Variants in MBNL1 observed in about 807,000 individuals in gnomAD.
MBNL1 encodes the protein muscleblind-like protein 1.
In MBNL1, 8 loss-of-function variants were observed where a neutral mutation model predicts 42.2. The observed-to-expected ratio is 0.19, with a 90% confidence interval of 0.11 to 0.34. The LOEUF is 0.34. Among genes scored for constraint, MBNL1 ranks in the 10% least tolerant of loss-of-function variants. The pLI is 1.00. For missense variants in MBNL1, 309 were observed against 495.3 expected (o/e 0.62, Z 3.57); for synonymous variants, 169 against 173.9 (o/e 0.97, Z 0.22).
intron 2 of MBNL1, among the ~76,000 whole-genome samples, chr3:152,257,121 C>A (rs1338965153): frequency 1.3e-5 from 2 of 152,054 alleles, no homozygotes; most frequent in African/African-American, 4.8e-5. Context: ...CGGATTATTG[C>A]AGAGTGTGAG....
intron 4 of MBNL1, among the ~76,000 whole-genome samples, chr3:152,435,584 A>G (rs899122939): frequency 1.3e-5 from 2 of 152,026 alleles, no homozygotes; most frequent in Admixed American, 6.6e-5. Context: ...GAAGAATGTC[A>G]TTGGTAGTTG....
chr3:152,255,367 T>A (rs551457776), intron 2 of MBNL1, among the ~76,000 whole-genome samples: 1 of 152,270 alleles, frequency 6.6e-6, no homozygotes, highest in African/African-American at 2.4e-5. Context: ...GAGCCTTAAC[T>A]TAAAATATTG....
intron 2 of MBNL1, among the ~76,000 whole-genome samples, chr3:152,405,411 T>C (rs2098403893): frequency 6.6e-6 from 1 of 152,214 alleles, no homozygotes; most frequent in African/African-American, 2.4e-5. Flanking sequence ...TGGTAAAGTT[T>C]TGAAAACAGT....
chr3:152,249,499 T>C (rs2034080809), intron 2 of MBNL1, among the ~76,000 whole-genome samples: 1 of 106,056 alleles, frequency 9.4e-6, no homozygotes, highest in Admixed American at 1.0e-4. Flanking sequence ...TTTGAGTTCA[T>C]TGTAGATTCT....
chr3:152,371,974 T>A (rs1180383152), intron 2 of MBNL1, among the ~76,000 whole-genome samples: 1 of 152,222 alleles, frequency 6.6e-6, no homozygotes, highest in South Asian at 2.1e-4. Context: ...CATAGTCCCA[T>A]ATTTCTTGGA....
chr3:152,449,568 C>T (rs1239207736), intron 6 of MBNL1, among the ~76,000 whole-genome samples: 17 of 152,042 alleles, frequency 1.1e-4, no homozygotes, highest in African/African-American at 4.1e-4. Context: ...ACTTGTGACA[C>T]TAGTGTCTCC....
At chr3:152,277,850 T>C (rs1378405942) in intron 1 of MBNL1, among the ~76,000 whole-genome samples, 1 of 152,086 alleles carries the variant, frequency 6.6e-6, no homozygotes, top group East Asian at 1.9e-4. Context: ...AACTTATTAG[T>C]TATTTAGATT....
intron 2 of MBNL1, among the ~76,000 whole-genome samples, chr3:152,385,312 A>G (rs1315587049): frequency 6.6e-6 from 1 of 152,026 alleles, no homozygotes; most frequent in Non-Finnish European, 1.5e-5. Context: ...GAGAGTGGGG[A>G]AAATGCCCAC....
exon 1 of MBNL1, chr3:152,243,940 G>A (rs1394220871): frequency 6.6e-6 from 1 of 152,160 alleles, no homozygotes; most frequent in African/African-American, 2.4e-5. Context: ...TGAGTAAGTG[G>A]GATTCAGACG....
intron 2 of MBNL1, among the ~76,000 whole-genome samples, chr3:152,360,207 T>C (rs1425445800): frequency 2.0e-5 from 3 of 152,132 alleles, no homozygotes; most frequent in African/African-American, 7.2e-5. Flanking sequence ...ATCAGGTTAG[T>C]AGTCCTGTCG....
chr3:152,400,582 T>C (rs2098171890), intron 2 of MBNL1, among the ~76,000 whole-genome samples: 1 of 152,210 alleles, frequency 6.6e-6, no homozygotes, highest in Non-Finnish European at 1.5e-5. Context: ...GTGGATCTGT[T>C]ATCCCCGCTT....
At chr3:152,435,375 CTCTGT>C (rs1000148888) in intron 4 of MBNL1, among the ~76,000 whole-genome samples, 2 of 152,054 alleles carry the variant, frequency 1.3e-5, no homozygotes, top group African/African-American at 4.8e-5. Context: ...TTTCTGGGCT[CTCTGT>C]TCTGTTCCAT....
chr3:152,332,682 T>G (rs2152669225), intron 2 of MBNL1, among the ~76,000 whole-genome samples: 1 of 149,738 alleles, frequency 6.7e-6, no homozygotes, highest in South Asian at 2.1e-4. Flanking sequence ...TCTTTGAAGT[T>G]TTCATGGTTT....
At chr3:152,399,236 G>A (rs540230374) in intron 2 of MBNL1, among the ~76,000 whole-genome samples, 1 of 152,224 alleles carries the variant, frequency 6.6e-6, no homozygotes, top group South Asian at 2.1e-4. Flanking sequence ...ATATATTCAA[G>A]GTGAGACCAC....
intron 2 of MBNL1, among the ~76,000 whole-genome samples, chr3:152,384,653 G>A (rs2097334503): frequency 6.6e-6 from 1 of 152,136 alleles, no homozygotes; most frequent in African/African-American, 2.4e-5. Flanking sequence ...AGGCACTTAA[G>A]CAGGTCATTT....
intron 6 of MBNL1, among the ~76,000 whole-genome samples, chr3:152,454,892 A>G (rs58402325): frequency 0.015 from 2,274 of 152,296 alleles, 52 homozygotes; most frequent in African/African-American, 0.052. Flanking sequence ...ATTTCAAACT[A>G]AGGAAAGGCA....
At chr3:152,245,335 A>G (rs1187724396) in intron 2 of MBNL1, among the ~76,000 whole-genome samples, 1 of 152,188 alleles carries the variant, frequency 6.6e-6, no homozygotes, top group Non-Finnish European at 1.5e-5. Context: ...ATACTTTGGT[A>G]AAAACATTAA....
chr3:152,407,579 G>C (rs1048152079), intron 2 of MBNL1, among the ~76,000 whole-genome samples: 1 of 152,040 alleles, frequency 6.6e-6, no homozygotes, highest in South Asian at 2.1e-4. Context: ...TATGAAATAA[G>C]TACAAGGGTG....
At position 152,445,431 on chromosome 3, in the gene MBNL1, G is replaced by T; in HGVS notation, c.699G>T (p.Lys233Asn). ...TCAAAGGGAGATGCTCTCGGGAAAAGTGCAAATACTTTCATCCCCCTGCAC... is the reference window on the plus strand; with the variant it reads ...TCAAAGGGAGATGCTCTCGGGAAAATTGCAAATACTTTCATCCCCCTGCAC... ...DYIKGRCSRE[K>N]CKYFHPPAHL... Residue 233 changes from lysine (K) to asparagine (N), a missense_variant, in exon 5 of 10, where the codon AAG becomes AAT. Coordinates refer to ENST00000324210, the MANE Select transcript of MBNL1 (RefSeq NM_021038.5). The T allele has an allele frequency of 6.2e-7, 1 of 1,613,956 alleles. No individual in the cohort carries two copies. Among genetic ancestry groups the T allele is most frequent in the Non-Finnish European group, 8.5e-7 (1 of 1,179,914 alleles).
Sources: gnomAD v4.1 joint callset for allele counts (sites outside exome capture counted in the v4.1 genomes callset) on GRCh38, gnomAD v4.1.1 for gene constraint, MANE v1.5 for transcripts, NCBI Gene and HGNC (gene_info 2026-07-23, HGNC 2026-07-21) for gene names.